The following FOXP1 variants were observed in gnomAD, a reference collection of about 807,000 sequenced individuals.
FOXP1 encodes forkhead box P1.
A neutral mutation model predicts 98.2 loss-of-function variants in FOXP1; 15 were observed. The observed-to-expected ratio is 0.15, with a 90% CI of 0.10 to 0.24. The LOEUF is 0.24. Among genes scored for constraint, FOXP1 ranks in the 10% least tolerant of loss-of-function variants. FOXP1 has a pLI of 1.00. For synonymous variants in FOXP1, 371 were observed against 314.5 expected (o/e 1.18, Z -1.90); for missense variants, 633 against 848.5 (o/e 0.75, Z 3.15).
chr3:71,272,695 C>T (rs1001371806), intron 5 of FOXP1, among the ~76,000 whole-genome samples: 1 of 152,162 alleles, frequency 6.6e-6, no homozygotes, highest in Non-Finnish European at 1.5e-5. Context: ...TCAAGCGTTA[C>T]ACCAAAGAAA....
At chr3:71,489,039 T>C (rs2090871503) in intron 3 of FOXP1, among the ~76,000 whole-genome samples, 3 of 152,214 alleles carry the variant, frequency 2.0e-5, no homozygotes, top group Non-Finnish European at 4.4e-5. Flanking sequence ...AAAGGAACCC[T>C]GTCGGCTGGC....
intron 3 of FOXP1, among the ~76,000 whole-genome samples, chr3:71,361,657 A>C (rs2078579863): frequency 6.6e-6 from 1 of 152,186 alleles, no homozygotes; most frequent in South Asian, 2.1e-4. Flanking sequence ...GGCGGGGCAC[A>C]CTAATGACCA....
intron 5 of FOXP1, among the ~76,000 whole-genome samples, chr3:71,265,864 A>G (rs1347798287): frequency 6.6e-6 from 1 of 152,218 alleles, no homozygotes; most frequent in Non-Finnish European, 1.5e-5. Flanking sequence ...TGAAGGTCAC[A>G]TTTCAGGTAT....
At chr3:71,407,847 A>C (rs2082460453) in intron 3 of FOXP1, among the ~76,000 whole-genome samples, 1 of 152,112 alleles carries the variant, frequency 6.6e-6, no homozygotes, top group African/African-American at 2.4e-5. Context: ...AAAGGTTCCC[A>C]GTCATCTGGG....
chr3:71,093,324 C>T (rs1481763340), intron 7 of FOXP1, among the ~76,000 whole-genome samples: 1 of 148,328 alleles, frequency 6.7e-6, no homozygotes, highest in African/African-American at 2.5e-5. Context: ...TAGCACTGTC[C>T]AATAGATCTT....
At chr3:71,040,544 A>C (rs908902698) in intron 11 of FOXP1, 1 of 152,370 alleles carries the variant, frequency 6.6e-6, no homozygotes, top group Non-Finnish European at 1.5e-5. Flanking sequence ...AACATGAATT[A>C]ACAGCTTTAT....
intron 14 of FOXP1, 59 bp downstream of exon 14, chr3:70,987,935 A>G (rs1440573277): frequency 6.7e-7 from 1 of 1,493,162 alleles, no homozygotes; most frequent in Non-Finnish European, 9.3e-7. Context: ...GGGGTGGGGA[A>G]GTAGAAAAGG....
At chr3:71,535,536 C>T (rs1455828681) in intron 2 of FOXP1, among the ~76,000 whole-genome samples, 1 of 152,084 alleles carries the variant, frequency 6.6e-6, no homozygotes, top group African/African-American at 2.4e-5. Flanking sequence ...AAAAACCCAT[C>T]TCTAACAACA....
chr3:71,504,171 C>T (rs374487838), intron 2 of FOXP1, among the ~76,000 whole-genome samples: 1 of 151,876 alleles, frequency 6.6e-6, no homozygotes, highest in Non-Finnish European at 1.5e-5. Flanking sequence ...AATTTTATGC[C>T]TCAAATCGAA....
chr3:71,034,258 T>G (rs1054831412), intron 11 of FOXP1, among the ~76,000 whole-genome samples: 1 of 152,196 alleles, frequency 6.6e-6, no homozygotes, highest in Admixed American at 6.5e-5. Flanking sequence ...CCATCTGGAC[T>G]TGATCCGGAG....
chr3:71,405,519 AG>A (rs1291197600), intron 3 of FOXP1, among the ~76,000 whole-genome samples: 4 of 152,208 alleles, frequency 2.6e-5, no homozygotes, highest in African/African-American at 9.6e-5. Context: ...TAATCCACCC[AG>A]ACAGACAGCC....
chr3:71,003,499 G>A (rs1354418218), intron 12 of FOXP1, among the ~76,000 whole-genome samples: 2 of 152,008 alleles, frequency 1.3e-5, no homozygotes, highest in Non-Finnish European at 2.9e-5. Context: ...CCAGAAGGAA[G>A]GCAAAGGACA....
intron 5 of FOXP1, among the ~76,000 whole-genome samples, chr3:71,295,279 G>A (rs142552431): frequency 1.1e-4 from 16 of 152,270 alleles, no homozygotes; most frequent in African/African-American, 3.6e-4. Context: ...TTTTGAATGG[G>A]TTTAGCTCAG....
chr3:71,226,911 A>C (rs957020608), intron 5 of FOXP1, among the ~76,000 whole-genome samples: 2 of 152,150 alleles, frequency 1.3e-5, no homozygotes, highest in African/African-American at 4.8e-5. Flanking sequence ...GAGCCAAAGC[A>C]CGCAGGATGT....
intron 4 of FOXP1, among the ~76,000 whole-genome samples, chr3:71,310,682 G>A (rs2074618495): frequency 6.6e-6 from 1 of 152,170 alleles, no homozygotes; most frequent in South Asian, 2.1e-4. Context: ...TCTCTTCTGG[G>A]CGTTTCTGCC....
chr3:71,108,956 G>C (rs748360365), intron 7 of FOXP1, among the ~76,000 whole-genome samples: 8 of 152,096 alleles, frequency 5.3e-5, no homozygotes, highest in Non-Finnish European at 7.4e-5. Context: ...AATTAATTCA[G>C]ATCATTCTGA....
At chr3:71,184,174 A>G (rs557795447) in intron 6 of FOXP1, among the ~76,000 whole-genome samples, 113 of 152,232 alleles carry the variant, frequency 7.4e-4, no homozygotes, top group African/African-American at 2.6e-3. Flanking sequence ...CAAACAAAAA[A>G]GCCCTTCAGA....
chr3:71,485,898 G>A (rs1234821569), intron 3 of FOXP1, among the ~76,000 whole-genome samples: 1 of 152,082 alleles, frequency 6.6e-6, no homozygotes, highest in African/African-American at 2.4e-5. Context: ...AATTTTTGGA[G>A]GAAGCCATTC....
chr3:71,156,791 T>C (rs1270497805), intron 6 of FOXP1, among the ~76,000 whole-genome samples: 5 of 152,088 alleles, frequency 3.3e-5, no homozygotes, highest in African/African-American at 1.2e-4. Flanking sequence ...ATCTCTATGA[T>C]TCTGACATGC....
Sources: allele counts gnomAD v4.1 joint callset (sites outside exome capture counted in the v4.1 genomes callset), GRCh38; gene constraint gnomAD v4.1.1; transcripts MANE v1.5; gene names NCBI Gene and HGNC (gene_info 2026-07-23, HGNC 2026-07-21).